LRP5: variants seen among roughly 807,000 people sequenced by gnomAD.
LRP5 encodes the protein low-density lipoprotein receptor-related protein 5.
A neutral mutation model predicts 154.1 loss-of-function variants in LRP5; 62 were observed. The observed-to-expected ratio is 0.40, with a 90% CI of 0.33 to 0.50. The LOEUF (loss-of-function observed/expected upper bound fraction) is 0.50. LRP5 is among the 20% of genes least tolerant of loss of function. The pLI, the probability that LRP5 is intolerant of heterozygous loss-of-function variation, is 0.55. For synonymous variants in LRP5, 966 were observed against 1,011.5 expected, an observed-to-expected ratio of 0.96 and a Z score of 0.85; for missense variants, 1,915 against 2,336.7, an observed-to-expected ratio of 0.82 and a Z score of 3.72.
chr11:68,433,482 G>A, intron 17 of LRP5, 120 bp from the exon 18 acceptor site: 1 of 884,132 alleles, frequency 1.1e-6, no homozygotes, highest in Non-Finnish European at 1.9e-6. Context: ...ACCCCGTACA[G>A]CAGGGATGCC....
chr11:68,422,397 GC>G (rs1325848928), intron 13 of LRP5, among the ~76,000 whole-genome samples: 4 of 152,182 alleles, frequency 2.6e-5, no homozygotes, highest in African/African-American at 9.7e-5. Flanking sequence ...GGTGCTCCAG[GC>G]CCCATTTGCC....
chr11:68,330,472 A>C (rs1024015816), intron 1 of LRP5, among the ~76,000 whole-genome samples: 7 of 152,126 alleles, frequency 4.6e-5, no homozygotes, highest in Non-Finnish European at 1.0e-4. Context: ...CGGTGCATGG[A>C]TGTTCCCTCC....
chr11:68,329,768 C>CA (rs1447014702), intron 1 of LRP5, among the ~76,000 whole-genome samples: 1 of 152,224 alleles, frequency 6.6e-6, no homozygotes, highest in Non-Finnish European at 1.5e-5. Flanking sequence ...ATCAGCGCCC[C>CA]ACTGACTGAC....
chr11:68,423,392 C>T lies in LRP5; in HGVS notation c.3028-97C>T, dbSNP rs1480880088. On this transcript the variant is annotated intron_variant, in intron 13 of 22. Transcript: ENST00000294304. This position sits in a 1 kb window ranked among gnomAD's most constrained non-coding sequence, Gnocchi z 4.7. ...TCTCCAGCCAGTGCCCGGGGGTCTCCACCAGTGCCCGGGGGTCTCCGCCAG... is the reference window on the plus strand; with the variant it reads ...TCTCCAGCCAGTGCCCGGGGGTCTCTACCAGTGCCCGGGGGTCTCCGCCAG... The T allele has an allele frequency of 1.8e-5, 21 of 1,168,222 alleles. No individual in the cohort carries two copies. The highest frequency in any genetic ancestry group is 3.4e-5 in the Admixed American group (2 of 59,186). The allele number at this position is 1,168,222 out of a possible 1,614,324, so 72.4% of individuals were successfully genotyped here.
chr11:68,420,537 TCTAC>T (rs1210553861), intron 13 of LRP5, among the ~76,000 whole-genome samples: 1 of 152,100 alleles, frequency 6.6e-6, no homozygotes, highest in Non-Finnish European at 1.5e-5. Flanking sequence ...AAACCCTGGC[TCTAC>T]TAAAAGTACA....
At chr11:68,420,736 C>T (rs1039170038) in intron 13 of LRP5, among the ~76,000 whole-genome samples, 2 of 151,724 alleles carry the variant, frequency 1.3e-5, no homozygotes, top group Admixed American at 6.6e-5. Flanking sequence ...GATGGATGGA[C>T]GGACCACTTC....
intron 1 of LRP5, among the ~76,000 whole-genome samples, chr11:68,330,973 T>C (rs755231236): frequency 2.6e-5 from 4 of 152,274 alleles, no homozygotes; most frequent in Non-Finnish European, 5.9e-5. Context: ...CCATTTCACT[T>C]CTGCCTCTAG....
intron 7 of LRP5, among the ~76,000 whole-genome samples, chr11:68,390,637 G>A (rs1230148795): frequency 1.2e-4 from 18 of 152,042 alleles, no homozygotes; most frequent in South Asian, 2.1e-4. Context: ...TCCCGTGGAC[G>A]CAGCCTCGCC....
At chr11:68,323,188 A>C (rs1362495190) in intron 1 of LRP5, among the ~76,000 whole-genome samples, 1 of 152,242 alleles carries the variant, frequency 6.6e-6, no homozygotes, top group Non-Finnish European at 1.5e-5. Flanking sequence ...GGCTCACTGC[A>C]ACCTCTGCCT....
At chr11:68,334,037 C>A (rs1430886633) in intron 1 of LRP5, among the ~76,000 whole-genome samples, 2 of 152,110 alleles carry the variant, frequency 1.3e-5, no homozygotes, top group African/African-American at 2.4e-5. Flanking sequence ...AGTTCGAGAC[C>A]AGCCTGGCCA....
intron 1 of LRP5, among the ~76,000 whole-genome samples, chr11:68,313,904 T>G (rs1287894289): frequency 6.6e-6 from 1 of 152,210 alleles, no homozygotes; most frequent in Non-Finnish European, 1.5e-5. Context: ...TCCCCCAGGC[T>G]GCAGCCTCTG....
intron 7 of LRP5, among the ~76,000 whole-genome samples, chr11:68,394,364 G>A (rs1299669333): frequency 2.6e-5 from 4 of 152,156 alleles, no homozygotes; most frequent in East Asian, 1.9e-4. Flanking sequence ...AGGAGGAAGC[G>A]GAGCTGTCCA....
chr11:68,433,940 A>G, intron 18 of LRP5, 102 bp downstream of exon 18: 1 of 1,161,712 alleles, frequency 8.6e-7, no homozygotes, highest in South Asian at 1.3e-5. Flanking sequence ...GGCTCTGAAA[A>G]CCTTTGCTTG....
At chr11:68,448,678 C>T in intron 22 of LRP5, 131 bp from the exon 23 acceptor site, 2 of 1,158,872 alleles carry the variant, frequency 1.7e-6, no homozygotes, top group Non-Finnish European at 2.5e-6. Context: ...CGGGGTGGGT[C>T]CAGAGTCCGG....
At chr11:68,363,049 A>T (rs1285231165) in intron 3 of LRP5, among the ~76,000 whole-genome samples, 3 of 152,270 alleles carry the variant, frequency 2.0e-5, no homozygotes, top group Non-Finnish European at 4.4e-5. Flanking sequence ...GCATCTAGAA[A>T]AGAATAGCTG....
chr11:68,321,501 C>T (rs2098596754), intron 1 of LRP5, among the ~76,000 whole-genome samples: 1 of 152,082 alleles, frequency 6.6e-6, no homozygotes, highest in African/African-American at 2.4e-5. Flanking sequence ...CTCCGATGAG[C>T]TGGCGGTCTC....
At chr11:68,363,454 C>G (rs2098629130) in intron 3 of LRP5, among the ~76,000 whole-genome samples, 1 of 152,120 alleles carries the variant, frequency 6.6e-6, no homozygotes, top group Admixed American at 6.5e-5. Flanking sequence ...GTCAGGAGTT[C>G]GAGACCAGCC....
upstream of LRP5, among the ~76,000 whole-genome samples, chr11:68,312,250 C>T (rs926604162): frequency 2.6e-5 from 4 of 152,220 alleles, no homozygotes; most frequent in Middle Eastern, 3.4e-3. Context: ...CCTGAAACTG[C>T]CTCGCTGTGT....
intron 5 of LRP5, among the ~76,000 whole-genome samples, chr11:68,374,763 C>G (rs1039574348): frequency 2.0e-5 from 3 of 152,160 alleles, no homozygotes; most frequent in African/African-American, 4.8e-5. Context: ...GGAAATGGAA[C>G]CACGCAGCTG....
Sources: allele counts gnomAD v4.1 joint callset (sites outside exome capture counted in the v4.1 genomes callset), GRCh38; gene constraint gnomAD v4.1.1; non-coding constraint Gnocchi (gnomAD v3.1); transcripts MANE v1.5; gene names NCBI Gene and HGNC (gene_info 2026-07-23, HGNC 2026-07-21).